ANOS1: variants seen among roughly 807,000 people sequenced by gnomAD.
The protein encoded by ANOS1 is anosmin 1.
ANOS1 carries 6 observed loss-of-function variants against 59.0 expected under a neutral mutation model. That is an observed-to-expected ratio of 0.10 (90% CI 0.06 to 0.20). The LOEUF (loss-of-function observed/expected upper bound fraction) is 0.20. Ranked by LOEUF, ANOS1 falls within the 10% of genes least tolerant of loss-of-function variation. The pLI, the probability that ANOS1 is intolerant of heterozygous loss-of-function variation, is 1.00. For missense variants in ANOS1, 433 were observed against 542.3 expected, an observed-to-expected ratio of 0.80 and a Z score of 2.00; for synonymous variants, 217 against 223.4, an observed-to-expected ratio of 0.97 and a Z score of 0.25.
In ANOS1 at chrX:8,722,574, T is replaced by TATAC. The variant is rs1491456930; in HGVS notation, c.207+9255_207+9256insGTAT. ...TCTGAGTGGTACTCCATTATGTGTG[T>TATAC]ACACACACACACACACACACACACA... On this transcript the variant is annotated intron_variant, in intron 1 of 13. Coordinates refer to ENST00000262648, the MANE Select transcript of ANOS1 (RefSeq NM_000216.4). Among the ~76,000 whole-genome samples, 1,001 of 102,127 alleles carry TATAC rather than the reference T, an allele frequency of 9.8e-3. 10 individuals carry two copies. The highest frequency in any genetic ancestry group is 0.035 in the African/African-American group (921 of 26,512). The allele number at this position is 102,127 out of a possible 115,157, so 88.7% of individuals were successfully genotyped here. A position where few individuals can be genotyped will look rare whatever the true frequency, so the allele number is the denominator to read the frequency against.
At position 8,532,729 on chromosome X, in the gene ANOS1, A is replaced by G. The variant is rs188044176; in HGVS notation, c.*266T>C. On this transcript the variant is annotated 3_prime_UTR_variant, in exon 14 of 14. Coordinates refer to ENST00000262648, the MANE Select transcript of ANOS1 (RefSeq NM_000216.4). ...TCAATAGAAATGAGCGACACCATAC[A>G]TGAAAACAAAATTTAGCATTAAACA... 1.7e-5 allele frequency: 5 copies of G among 301,685 alleles called. No individual in the cohort carries two copies. Among genetic ancestry groups the G allele is most frequent in the Non-Finnish European group, 2.9e-5 (5 of 169,916 alleles). The allele number at this position is 301,685 out of a possible 1,213,427, so 24.9% of individuals were successfully genotyped here.
At chrX:8,552,240 T>C (rs770955922) in intron 9 of ANOS1, among the ~76,000 whole-genome samples, 77 of 112,267 alleles carry the variant, frequency 6.9e-4, no homozygotes, top group Admixed American at 1.3e-3. Context: ...ACCATAATCA[T>C]GCCCTACTGG....
intron 2 of ANOS1, among the ~76,000 whole-genome samples, chrX:8,668,113 A>G (rs1932184495): frequency 9.3e-6 from 1 of 107,350 alleles, no homozygotes; most frequent in African/African-American, 3.4e-5. Flanking sequence ...GTGATTTGTG[A>G]GATTTTGGTG....
chrX:8,558,447 C>A (rs2146799625), intron 8 of ANOS1, among the ~76,000 whole-genome samples: 1 of 109,690 alleles, frequency 9.1e-6, no homozygotes, highest in African/African-American at 3.3e-5. Flanking sequence ...TAATGAACCC[C>A]CCCTTCAAAA....
intron 4 of ANOS1, among the ~76,000 whole-genome samples, chrX:8,595,803 G>A (rs1272658084): frequency 9.0e-6 from 1 of 111,265 alleles, no homozygotes; most frequent in Non-Finnish European, 1.9e-5. Context: ...AGCAGTCTGT[G>A]GCCTGTTAGG....
chrX:8,717,875 G>A, intron 1 of ANOS1, among the ~76,000 whole-genome samples: 1 of 109,646 alleles, frequency 9.1e-6, no homozygotes, highest in Non-Finnish European at 1.9e-5. Context: ...TCAAGCCTAG[G>A]CAATATAGTG....
intron 2 of ANOS1, among the ~76,000 whole-genome samples, chrX:8,626,581 C>T (rs1221941045): frequency 3.6e-5 from 4 of 110,933 alleles, no homozygotes; most frequent in Non-Finnish European, 7.5e-5. Flanking sequence ...ATCTAAAGGC[C>T]GGGCGCGGTG....
At chrX:8,696,316 T>A (rs1932684289) in intron 2 of ANOS1, among the ~76,000 whole-genome samples, 1 of 112,593 alleles carries the variant, frequency 8.9e-6, no homozygotes, top group African/African-American at 3.2e-5. Flanking sequence ...TTCACAATGA[T>A]TCCACTTGGG....
At chrX:8,601,243 T>A (rs1366271043) in intron 3 of ANOS1, among the ~76,000 whole-genome samples, 1 of 109,962 alleles carries the variant, frequency 9.1e-6, no homozygotes, top group Non-Finnish European at 1.9e-5. Context: ...CTGGCAAGTG[T>A]TTCCTGCTTG....
chrX:8,629,070 G>A (rs1305395496), intron 2 of ANOS1, among the ~76,000 whole-genome samples: 1 of 110,774 alleles, frequency 9.0e-6, no homozygotes, highest in African/African-American at 3.3e-5. Flanking sequence ...GCAACATAGT[G>A]AGACTTTGTC....
intron 1 of ANOS1, among the ~76,000 whole-genome samples, chrX:8,713,296 CT>C (rs1310266771): frequency 9.1e-6 from 1 of 110,013 alleles, no homozygotes; most frequent in Non-Finnish European, 1.9e-5. Context: ...AGTTCCAAAG[CT>C]AGAACTTGGC....
intron 8 of ANOS1, among the ~76,000 whole-genome samples, chrX:8,559,116 C>T (rs1046745413): frequency 9.0e-6 from 1 of 111,682 alleles, no homozygotes; most frequent in Non-Finnish European, 1.9e-5. Context: ...AATGATGGTG[C>T]ACCGGCAGTG....
chrX:8,594,701 C>CACACAT (rs1555895628), intron 4 of ANOS1, among the ~76,000 whole-genome samples: 737 of 46,689 alleles, frequency 0.016, 37 homozygotes, highest in African/African-American at 0.058. Context: ...TATATATACA[C>CACACAT]ATATATATAC....
chrX:8,571,288 C>A (rs759644900), intron 6 of ANOS1, among the ~76,000 whole-genome samples: 1 of 110,764 alleles, frequency 9.0e-6, no homozygotes, highest in African/African-American at 3.3e-5. Context: ...GGCAACCCAG[C>A]CAAATTTTTA....
At chrX:8,534,690 G>A (rs1025414259) in intron 12 of ANOS1, among the ~76,000 whole-genome samples, 1 of 111,393 alleles carries the variant, frequency 9.0e-6, no homozygotes, top group African/African-American at 3.3e-5. Context: ...TAAGACACTT[G>A]GCAGAGTTAA....
At chrX:8,729,739 A>T (rs1020559496) in intron 1 of ANOS1, among the ~76,000 whole-genome samples, 3 of 95,141 alleles carry the variant, frequency 3.2e-5, no homozygotes, top group Non-Finnish European at 4.2e-5. Context: ...AAAAAAAAAA[A>T]GGAAGGCAAG....
At chrX:8,604,349 G>A (rs990531716) in intron 3 of ANOS1, among the ~76,000 whole-genome samples, 6 of 111,598 alleles carry the variant, frequency 5.4e-5, no homozygotes, top group Non-Finnish European at 9.4e-5. Flanking sequence ...GGAAAGAACC[G>A]CAGATGGTCC....
At chrX:8,607,423 A>C (rs1158051340) in intron 3 of ANOS1, among the ~76,000 whole-genome samples, 3 of 111,955 alleles carry the variant, frequency 2.7e-5, no homozygotes, top group Admixed American at 9.5e-5. Context: ...CTACAAGTAC[A>C]TACCCTCTTC....
intron 3 of ANOS1, among the ~76,000 whole-genome samples, chrX:8,598,130 G>GAATTGTCA (rs1233647322): frequency 9.0e-6 from 1 of 111,670 alleles, no homozygotes; most frequent in Non-Finnish European, 1.9e-5. Flanking sequence ...TATTAATATG[G>GAATTGTCA]AATTGTCAAT....
Sources: gnomAD v4.1 joint callset for allele counts (sites outside exome capture counted in the v4.1 genomes callset) on GRCh38, gnomAD v4.1.1 for gene constraint, MANE v1.5 for transcripts, NCBI Gene and HGNC (gene_info 2026-07-23, HGNC 2026-07-21) for gene names.